EIPR1: variants seen among roughly 807,000 people sequenced by gnomAD.
The protein encoded by EIPR1 is EARP complex and GARP complex interacting protein 1, also known as EARP and GARP complex-interacting protein 1.
Under a neutral mutation model 48.1 loss-of-function variants are expected in EIPR1, and 25 were observed. The observed-to-expected ratio is 0.52, with a 90% CI of 0.38 to 0.73. The LOEUF (loss-of-function observed/expected upper bound fraction) is 0.73. Among genes scored for constraint, EIPR1 ranks in the 30% least tolerant of loss-of-function variants. EIPR1 has a pLI of 0.00. For synonymous variants in EIPR1, 204 were observed against 201.9 expected (o/e 1.01, Z -0.09); for missense variants, 415 against 506.2 (o/e 0.82, Z 1.73).
chr2:3,259,632 A>G (rs1453881643), intron 3 of EIPR1, among the ~76,000 whole-genome samples: 4 of 152,226 alleles, frequency 2.6e-5, no homozygotes, highest in Admixed American at 6.5e-5. Context: ...GAGAATCTAC[A>G]CTCACTTCAA....
intron 3 of EIPR1, among the ~76,000 whole-genome samples, chr2:3,278,290 C>T (rs187944392): frequency 8.1e-4 from 124 of 152,328 alleles, no homozygotes; most frequent in African/African-American, 2.9e-3. Flanking sequence ...CACATGCAGA[C>T]TGTGGTTGGT....
chr2:3,368,002 G>A (rs775650709), intron 1 of EIPR1, among the ~76,000 whole-genome samples: 11 of 152,248 alleles, frequency 7.2e-5, no homozygotes, highest in Non-Finnish European at 1.0e-4. Flanking sequence ...TTGAGATCGC[G>A]CCACTGCACT....
At chr2:3,280,251 C>T (rs530051893) in intron 3 of EIPR1, among the ~76,000 whole-genome samples, 3 of 152,350 alleles carry the variant, frequency 2.0e-5, no homozygotes, top group South Asian at 4.1e-4. Flanking sequence ...TGCAAAGCAC[C>T]GTGGTGGTTA....
At chr2:3,216,574 C>G (rs1665646455) in intron 4 of EIPR1, among the ~76,000 whole-genome samples, 1 of 152,186 alleles carries the variant, frequency 6.6e-6, no homozygotes, top group Non-Finnish European at 1.5e-5. Flanking sequence ...AGCTAAGAGC[C>G]TATAAGTTAT....
intron 2 of EIPR1, among the ~76,000 whole-genome samples, chr2:3,341,095 C>CAGAAAAAAA (rs1670227227): frequency 2.7e-4 from 6 of 22,198 alleles, no homozygotes; most frequent in African/African-American, 6.4e-4. Flanking sequence ...GATCCTGTCT[C>CAGAAAAAAA]AAAAAAAAAA....
At chr2:3,344,225 AC>A (rs896623026) in intron 2 of EIPR1, among the ~76,000 whole-genome samples, 1 of 152,200 alleles carries the variant, frequency 6.6e-6, no homozygotes, top group African/African-American at 2.4e-5. Flanking sequence ...GACAGGAGAC[AC>A]CGTCCCTGCC....
At chr2:3,295,628 C>CCT (rs1427871263) in intron 3 of EIPR1, among the ~76,000 whole-genome samples, 1 of 128,028 alleles carries the variant, frequency 7.8e-6, no homozygotes, top group Admixed American at 7.7e-5. Flanking sequence ...CCCATCCTCT[C>CCT]TACATACACA....
chr2:3,350,959 AAAAC>A (rs1243459639), intron 2 of EIPR1, among the ~76,000 whole-genome samples: 8 of 151,254 alleles, frequency 5.3e-5, no homozygotes, highest in Non-Finnish European at 1.2e-4. Flanking sequence ...AAAAAAAAAA[AAAAC>A]AAATTAAGGT....
chr2:3,327,946 C>T (rs1669749274), intron 3 of EIPR1, among the ~76,000 whole-genome samples: 2 of 151,992 alleles, frequency 1.3e-5, no homozygotes, highest in South Asian at 2.1e-4. Context: ...TGCATCTTCT[C>T]GTGTTGCCCA....
In EIPR1 at chr2:3,281,638, C is replaced by T. The variant is rs564850833; in HGVS notation, c.260-24183G>A. Among the ~76,000 whole-genome samples, 6 of 152,292 alleles carry T rather than the reference C, an allele frequency of 3.9e-5. No homozygotes were observed. The South Asian group carries it at 1.2e-3, about 32-fold the overall frequency. ...GCGTGCCTGGAAGGGCTCAGTAGAT[C>T]GAACTAGCTCCCTTCAGACGGTCAA... On this transcript the variant is annotated intron_variant, in intron 3 of 8. Coordinates refer to ENST00000382125, the MANE Select transcript of EIPR1 (RefSeq NM_003310.5).
At chr2:3,347,995 G>A (rs1429367278) in intron 2 of EIPR1, among the ~76,000 whole-genome samples, 1 of 152,210 alleles carries the variant, frequency 6.6e-6, no homozygotes. Flanking sequence ...TTAGCCTAGA[G>A]TGGGGCTGGG....
chr2:3,284,930 G>A (rs1572395860), intron 3 of EIPR1, among the ~76,000 whole-genome samples: 3 of 152,154 alleles, frequency 2.0e-5, no homozygotes, highest in East Asian at 1.9e-4. Context: ...TCAGAACCAC[G>A]TGACCCAGCA....
intron 2 of EIPR1, among the ~76,000 whole-genome samples, chr2:3,353,533 C>T (rs1438972392): frequency 3.3e-5 from 5 of 152,174 alleles, no homozygotes; most frequent in Admixed American, 3.3e-4. Flanking sequence ...TCTGCCATTA[C>T]AAGTGGCAAT....
chr2:3,225,769 C>T (rs1666045782), intron 4 of EIPR1, among the ~76,000 whole-genome samples: 1 of 152,126 alleles, frequency 6.6e-6, no homozygotes, highest in African/African-American at 2.4e-5. Flanking sequence ...GCTGAACGTT[C>T]CTAACCTTTG....
intron 4 of EIPR1, among the ~76,000 whole-genome samples, chr2:3,249,805 T>A (rs1666949343): frequency 6.6e-6 from 1 of 152,160 alleles, no homozygotes; most frequent in Non-Finnish European, 1.5e-5. Context: ...AGGACACTGC[T>A]CCCTGCATCT....
At chr2:3,212,630 G>A (rs761454727) in intron 5 of EIPR1, among the ~76,000 whole-genome samples, 5 of 152,176 alleles carry the variant, frequency 3.3e-5, no homozygotes, top group South Asian at 2.1e-4. Flanking sequence ...GGAAGGCATC[G>A]CCTTCCACCA....
At chr2:3,290,673 G>T (rs1668338161) in intron 3 of EIPR1, among the ~76,000 whole-genome samples, 1 of 152,204 alleles carries the variant, frequency 6.6e-6, no homozygotes, top group Non-Finnish European at 1.5e-5. Flanking sequence ...GGTGGCGGGG[G>T]TGTGGCAGCA....
At chr2:3,369,919 G>A (rs62119551) in intron 1 of EIPR1, among the ~76,000 whole-genome samples, 24,418 of 151,868 alleles carry the variant, frequency 0.16, 2,164 homozygotes, top group Non-Finnish European at 0.2. Context: ...ATCTGAGAAC[G>A]GGCAGACTGC....
chr2:3,369,292 TC>T (rs919069555), intron 1 of EIPR1, among the ~76,000 whole-genome samples: 2 of 152,136 alleles, frequency 1.3e-5, no homozygotes, highest in Non-Finnish European at 2.9e-5. Flanking sequence ...GGTCTAGAGC[TC>T]CCAGCGTGAG....
Sources: gnomAD v4.1 joint callset for allele counts (sites outside exome capture counted in the v4.1 genomes callset) on GRCh38, gnomAD v4.1.1 for gene constraint, MANE v1.5 for transcripts, NCBI Gene and HGNC (gene_info 2026-07-23, HGNC 2026-07-21) for gene names.